Variants in DPP10 observed in about 807,000 individuals in gnomAD.
DPP10 encodes inactive dipeptidyl peptidase 10.
DPP10 carries 33 observed loss-of-function variants against 120.9 expected under a neutral mutation model. The observed-to-expected ratio is 0.27, with a 90% CI of 0.21 to 0.37. The LOEUF (loss-of-function observed/expected upper bound fraction) is 0.37, where lower values mean the gene tolerates loss of function less well. DPP10 is among the 10% of genes least tolerant of loss of function. DPP10 has a pLI of 1.00. For synonymous variants in DPP10, 337 were observed against 326.1 expected (o/e 1.03, Z -0.36); for missense variants, 816 against 942.8 (o/e 0.87, Z 1.76).
At chr2:114,757,999 G>C (rs889489695) in intron 1 of DPP10, among the ~76,000 whole-genome samples, 2 of 152,122 alleles carry the variant, frequency 1.3e-5, no homozygotes, top group Admixed American at 6.6e-5. Context: ...AGCTGGTCTT[G>C]CAAGTGTGAG....
chr2:114,623,296 TCTC>T (rs1283910256), intron 1 of DPP10, among the ~76,000 whole-genome samples: 1 of 151,880 alleles, frequency 6.6e-6, no homozygotes, highest in Non-Finnish European at 1.5e-5. Flanking sequence ...AAATAGAAAA[TCTC>T]CTGTGAAATA....
intron 22 of DPP10, 56 bp from the exon 23 acceptor site, chr2:115,836,451 A>G: frequency 1.3e-6 from 2 of 1,566,136 alleles, no homozygotes; most frequent in South Asian, 1.2e-5. Context: ...TTAATGAAAT[A>G]TGCCAGTCAA....
At position 114,581,173 on chromosome 2, in the gene DPP10, C is replaced by CT. The variant is rs70937291; in HGVS notation, c.60+138362dup. Among the ~76,000 whole-genome samples, 733 of 77,892 alleles carry CT rather than the reference C, an allele frequency of 9.4e-3. 111 individuals are homozygous for CT. The East Asian group carries it at 0.15, about 16-fold the overall frequency. The allele number at this position is 77,892 out of a possible 152,430, so 51.1% of individuals were successfully genotyped here. Reference sequence around the variant, plus strand: ...AAACATCATTTTCTTTTTTTCTTCTCTTTTTTTTTTTTTTTTTTTTTTTTT... The same window carrying CT: ...AAACATCATTTTCTTTTTTTCTTCTCTTTTTTTTTTTTTTTTTTTTTTTTTT... On this transcript the variant is annotated intron_variant, in intron 1 of 25. Transcript: ENST00000410059.
At position 114,618,406 on chromosome 2, in the gene DPP10, GT is replaced by G. The variant is rs544526717; in HGVS notation, c.60+175573del. Among the ~76,000 whole-genome samples the G allele has an allele frequency of 2.0e-5, 3 of 151,956 alleles. No homozygotes were observed. In the South Asian group the frequency reaches 6.2e-4, roughly 32 times the overall value. On this transcript the variant is annotated intron_variant, in intron 1 of 25. Coordinates refer to ENST00000410059, the MANE Select transcript of DPP10 (RefSeq NM_020868.6). ...TCAACACAGAGGTCAGAAAAGTAAGGTTTTTCCTGAAAGAGATGAAAAGTTG... is the reference window on the plus strand; with the variant it reads ...TCAACACAGAGGTCAGAAAAGTAAGGTTTTCCTGAAAGAGATGAAAAGTTG...
At chr2:114,913,200 C>G (rs1281254013) in intron 1 of DPP10, among the ~76,000 whole-genome samples, 1 of 152,202 alleles carries the variant, frequency 6.6e-6, no homozygotes, top group Non-Finnish European at 1.5e-5. Context: ...AAGTGGGCAT[C>G]CACCAGCTAG....
intron 1 of DPP10, among the ~76,000 whole-genome samples, chr2:115,118,747 TTGTGTG>T (rs59183186): frequency 0.077 from 10,778 of 140,394 alleles, 669 homozygotes; most frequent in African/African-American, 0.17. Context: ...ACACAGCTAA[TTGTGTG>T]TGTGTGTGTG....
intron 1 of DPP10, among the ~76,000 whole-genome samples, chr2:115,028,437 C>T (rs1175879831): frequency 6.6e-6 from 1 of 152,058 alleles, no homozygotes; most frequent in Non-Finnish European, 1.5e-5. Flanking sequence ...TTTGAGTCCA[C>T]TGTGGTCAGA....
At chr2:115,674,371 A>C (rs1177822900) in intron 5 of DPP10, among the ~76,000 whole-genome samples, 2 of 151,860 alleles carry the variant, frequency 1.3e-5, no homozygotes, top group African/African-American at 4.8e-5. Context: ...AAACAGGCCT[A>C]CATACTTCAT....
At chr2:114,709,167 A>C (rs1176479588) in intron 1 of DPP10, among the ~76,000 whole-genome samples, 1 of 152,146 alleles carries the variant, frequency 6.6e-6, no homozygotes, top group African/African-American at 2.4e-5. Context: ...AAAGGGAGGC[A>C]TTGGCAGGAG....
At chr2:115,163,980 T>C (rs1030769752) in intron 1 of DPP10, among the ~76,000 whole-genome samples, 12 of 152,254 alleles carry the variant, frequency 7.9e-5, no homozygotes, top group African/African-American at 2.9e-4. Context: ...GAATCCATTT[T>C]TCTTGTTAGT....
intron 1 of DPP10, among the ~76,000 whole-genome samples, chr2:115,074,421 G>GA (rs1458469715): frequency 6.6e-5 from 10 of 152,164 alleles, no homozygotes; most frequent in Admixed American, 2.6e-4. Context: ...ATGCTGCACT[G>GA]AAAAAAACAT....
At chr2:114,899,803 A>G (rs986461474) in intron 1 of DPP10, among the ~76,000 whole-genome samples, 1 of 149,160 alleles carries the variant, frequency 6.7e-6, no homozygotes, top group African/African-American at 2.5e-5. Context: ...TAAAAATACA[A>G]AAAAAAATTA....
chr2:115,141,519 C>T (rs1056407773), intron 1 of DPP10, among the ~76,000 whole-genome samples: 3 of 152,196 alleles, frequency 2.0e-5, no homozygotes, highest in Non-Finnish European at 2.9e-5. Context: ...TACCTGCCAT[C>T]ATTTCCATCT....
intron 1 of DPP10, among the ~76,000 whole-genome samples, chr2:115,105,543 CAAG>C (rs2048908455): frequency 6.6e-6 from 1 of 151,708 alleles, no homozygotes; most frequent in Non-Finnish European, 1.5e-5. Context: ...GTGACAGCAC[CAAG>C]TCATTCATGA....
chr2:114,931,615 C>T (rs1325767338), intron 1 of DPP10, among the ~76,000 whole-genome samples: 1 of 152,188 alleles, frequency 6.6e-6, no homozygotes, highest in Non-Finnish European at 1.5e-5. Context: ...GACAAACATC[C>T]AAACTATAGC....
intron 1 of DPP10, among the ~76,000 whole-genome samples, chr2:114,518,164 G>A (rs1173102880): frequency 7.4e-6 from 1 of 134,266 alleles, no homozygotes; most frequent in Non-Finnish European, 1.5e-5. Flanking sequence ...TGCAACCTCT[G>A]CCTCCCAGGT....
intron 1 of DPP10, among the ~76,000 whole-genome samples, chr2:115,189,258 G>A (rs753912119): frequency 4.6e-5 from 7 of 152,138 alleles, no homozygotes; most frequent in Non-Finnish European, 1.0e-4. Context: ...AGCTAATGCC[G>A]ATTGGCTATT....
At chr2:115,746,386 C>T (rs752067004) in intron 10 of DPP10, among the ~76,000 whole-genome samples, 2 of 152,124 alleles carry the variant, frequency 1.3e-5, no homozygotes. Context: ...TGATTATCAG[C>T]ACCATACAAT....
intron 5 of DPP10, among the ~76,000 whole-genome samples, chr2:115,605,417 G>A (rs1442497874): frequency 6.6e-6 from 1 of 151,928 alleles, no homozygotes; most frequent in Non-Finnish European, 1.5e-5. Context: ...CCTGCTTTTG[G>A]TATATATTTC....
Sources: gnomAD v4.1 joint callset for allele counts (sites outside exome capture counted in the v4.1 genomes callset) on GRCh38, gnomAD v4.1.1 for gene constraint, MANE v1.5 for transcripts, NCBI Gene and HGNC (gene_info 2026-07-23, HGNC 2026-07-21) for gene names.